The following RAPGEF3 variants were observed in gnomAD, a reference collection of about 807,000 sequenced individuals.
The protein encoded by RAPGEF3 is Rap guanine nucleotide exchange factor 3.
RAPGEF3 carries 103 observed loss-of-function variants against 129.8 expected under a neutral mutation model. The observed-to-expected ratio is 0.79, with a 90% CI of 0.68 to 0.93. The LOEUF is 0.93. Among genes scored for constraint, RAPGEF3 ranks in the 40% least tolerant of loss-of-function variants. The pLI, the probability that RAPGEF3 is intolerant of heterozygous loss-of-function variation, is 0.00. For synonymous variants in RAPGEF3, 436 were observed against 482.6 expected (o/e 0.90, Z 1.26); for missense variants, 1,117 against 1,207.4 (o/e 0.93, Z 1.11).
rs76798972 is a variant in RAPGEF3, at chr12:47,740,453, C to T, written c.2232-58G>A. The T allele has an allele frequency of 3.1e-4, 489 of 1,556,388 alleles. 6 individuals carry two copies. In the African/African-American group the frequency reaches 5.7e-3, roughly 18 times the overall value. ...AAGGGAAGCAGCCACCCCTACAGTGCCCCCAGACAACAGCCAGGCCAGCCT... is the reference window on the plus strand; with the variant it reads ...AAGGGAAGCAGCCACCCCTACAGTGTCCCCAGACAACAGCCAGGCCAGCCT... On this transcript the variant is annotated intron_variant, in intron 21 of 27. Transcript: ENST00000449771.
intron 13 of RAPGEF3, 56 bp downstream of exon 13, chr12:47,748,018 A>T: frequency 6.5e-7 from 1 of 1,544,384 alleles, no homozygotes; most frequent in Non-Finnish European, 8.8e-7. Flanking sequence ...TTTTCTCTCA[A>T]CCCCACGCAC....
chr12:47,748,372 G>T, intron 12 of RAPGEF3, 82 bp downstream of exon 12: 2 of 1,318,910 alleles, frequency 1.5e-6, no homozygotes, highest in Non-Finnish European at 2.2e-6. Context: ...GGTGACGTCA[G>T]ATGCAGGGTA....
intron 27 of RAPGEF3, 28 bp downstream of exon 27, chr12:47,737,994 T>TG: frequency 2.4e-6 from 2 of 819,874 alleles, no homozygotes; most frequent in South Asian, 1.3e-5. Context: ...ACCCCCTCCC[T>TG]GCCCACCCAC....
intron 14 of RAPGEF3, 26 bp from the exon 15 acceptor site, chr12:47,747,652 A>T: frequency 6.2e-7 from 1 of 1,613,284 alleles, no homozygotes; most frequent in Non-Finnish European, 8.5e-7. Context: ...ATTCACTGAG[A>T]TGGCTGTAGC....
intron 2 of RAPGEF3, 91 bp downstream of exon 2, chr12:47,757,775 C>G (rs2136828265): frequency 7.8e-7 from 1 of 1,280,726 alleles, no homozygotes; most frequent in South Asian, 1.4e-5. Flanking sequence ...CCAGAGCAAG[C>G]TGGGCCACCA....
chr12:47,755,202 T>C (rs1483764525), intron 2 of RAPGEF3, among the ~76,000 whole-genome samples: 1 of 152,216 alleles, frequency 6.6e-6, no homozygotes, highest in Admixed American at 6.5e-5. Flanking sequence ...CTTTGCCACT[T>C]AGCAGCTGCG....
At chr12:47,739,659 A>C (rs749134860) in intron 23 of RAPGEF3, 7 of 365,932 alleles carry the variant, frequency 1.9e-5, no homozygotes, top group Admixed American at 4.0e-5. Context: ...AAAACCCTCA[A>C]AATCCTCAAA....
rs1349017600 is a variant in RAPGEF3, at chr12:47,737,579, C to G, written c.2760G>C (p.Glu920Asp). The G allele has an allele frequency of 6.2e-7, 1 of 1,612,428 alleles. No individual in the cohort carries two copies. Among genetic ancestry groups the G allele is most frequent in the Non-Finnish European group, 8.5e-7 (1 of 1,179,562 alleles). ...TCCCAGCCCCTCCTCATGGCTCCAG[C>G]TCTCGGGAGAGGCGGGAGAGTTCCC... Reference protein sequence around the residue: ...NQRELSRLSRELEP With the variant: ...NQRELSRLSRDLEP Residue 920 changes from glutamate to aspartate, a missense_variant, in exon 28 of 28, where the codon GAG (glutamate) becomes GAC (aspartate). Physicochemically the swap from Glu to Asp is conservative, Grantham distance 45. This residue lies in a region of RAPGEF3 where 643 missense variants were observed against 673.4 expected (regional missense o/e 0.95). Coordinates refer to ENST00000449771, the MANE Select transcript of RAPGEF3 (RefSeq NM_001098531.4).
rs755365244 is a variant in RAPGEF3, at chr12:47,740,988, TCCAGCCCCTCAGCAGAGC to T, written c.1958_1975del (p.Gly653_Leu658del). 3.1e-6 allele frequency: 5 copies of T among 1,613,368 alleles called. No individual in the cohort carries two copies. In the South Asian group the frequency reaches 5.5e-5, roughly 18 times the overall value. ...TGCCAGGTCCTTGGCACTCACCAGGTCCAGCCCCTCAGCAGAGCCCACAGTGGGCCCCAGCTGGTCAGG... is the reference window on the plus strand; with the variant it reads ...TGCCAGGTCCTTGGCACTCACCAGGTCCACAGTGGGCCCCAGCTGGTCAGG... On this transcript the variant is annotated inframe_deletion, in exon 20 of 28. Transcript: ENST00000449771.
chr12:47,748,632 C>T, intron 11 of RAPGEF3, 90 bp from the exon 12 acceptor site: 1 of 1,271,824 alleles, frequency 7.9e-7, no homozygotes, highest in South Asian at 1.3e-5. Flanking sequence ...CATCATTTTT[C>T]TCCATTAGCC....
rs911383613 is a variant in RAPGEF3 at position 47,749,271 on chromosome 12, G to T, written c.1041+119C>A. Reference sequence around the variant, plus strand: ...TATGGTCCCACTGCCAGCTGTCATAGCCCAGCATCTCTTACCTGCCCTGCT... The same window carrying T: ...TATGGTCCCACTGCCAGCTGTCATATCCCAGCATCTCTTACCTGCCCTGCT... On this transcript the variant is annotated intron_variant, in intron 10 of 27. Coordinates refer to ENST00000449771, the MANE Select transcript of RAPGEF3 (RefSeq NM_001098531.4). This position sits in a 1 kb window ranked among gnomAD's most constrained non-coding sequence, Gnocchi z 4.5. The T allele has an allele frequency of 3.1e-6, 4 of 1,278,164 alleles. No homozygotes were observed. In the African/African-American group the frequency reaches 5.8e-5, roughly 19 times the overall value. The allele number at this position is 1,278,164 out of a possible 1,614,324, so 79.2% of individuals were successfully genotyped here. A position where few individuals can be genotyped will look rare whatever the true frequency, so the allele number is the denominator to read the frequency against.
chr12:47,743,568 G>A lies in RAPGEF3; in HGVS notation c.1787C>T (p.Thr596Ile). The A allele has an allele frequency of 6.2e-7, 1 of 1,614,136 alleles. No individual in the cohort carries two copies. The highest frequency in any genetic ancestry group is 8.5e-7 in the Non-Finnish European group (1 of 1,179,996). ...MAALAQEDGWTKGQVLVKVNS... is the reference protein window; with the variant it reads ...MAALAQEDGWIKGQVLVKVNS... ...GACCTTCACCAGCACCTGCCCCTTG[G>A]TCCAGCCATCCTCCTGGGCCAACGC... The change falls in exon 18 of 28, where the codon ACC becomes ATC. Residue 596 changes from threonine to isoleucine, a missense_variant. Physicochemically the swap from Thr to Ile is moderately conservative, Grantham distance 89 (BLOSUM62 -1). Transcript: ENST00000449771.
chr12:47,758,233 G>A (rs1022905832), intron 1 of RAPGEF3, 155 bp from the exon 2 acceptor site: 118 of 1,435,206 alleles, frequency 8.2e-5, no homozygotes, highest in Middle Eastern at 5.1e-4. Flanking sequence ...GGAGGAACAG[G>A]AAGACCTTCA....
In RAPGEF3 at chr12:47,747,824, C is replaced by T. The variant is rs772695180; in HGVS notation, c.1361G>A (p.Arg454His). The T allele has an allele frequency of 2.6e-5, 41 of 1,604,960 alleles. No homozygotes were observed. Among genetic ancestry groups the T allele is most frequent in the East Asian group, 8.9e-5 (4 of 44,892 alleles). ...CCTCTTGTTGCAGACGTAGGTGCTG[C>T]GCTCCTGCTCGCTGCCACCCGCAGG... Reference protein sequence around the residue: ...VEPAGGSEQERSTYVCNKRQQ... With the variant: ...VEPAGGSEQEHSTYVCNKRQQ... The change falls in exon 14 of 28, where the codon CGC (arginine) becomes CAC (histidine). Residue 454 changes from arginine (R) to histidine (H), a missense_variant. By Grantham distance (29) the Arg-to-His change is conservative. This residue lies in a region of RAPGEF3 where 643 missense variants were observed against 673.4 expected (regional missense o/e 0.95). Coordinates refer to ENST00000449771, the MANE Select transcript of RAPGEF3 (RefSeq NM_001098531.4).
intron 1 of RAPGEF3, 142 bp from the exon 2 acceptor site, chr12:47,758,220 G>T (rs1000532101): frequency 7.0e-7 from 1 of 1,437,640 alleles, no homozygotes; most frequent in Non-Finnish European, 9.1e-7. Flanking sequence ...CCAGGAGCTG[G>T]GGGGAGGAAC....
chr12:47,743,750 G>T, intron 17 of RAPGEF3, 74 bp from the exon 18 acceptor site: 1 of 1,552,422 alleles, frequency 6.4e-7, no homozygotes, highest in Non-Finnish European at 8.8e-7. Flanking sequence ...GGCGGCTATT[G>T]CAGTAATGGT....
At position 47,749,910 on chromosome 12, in the gene RAPGEF3, T is replaced by G; in HGVS notation, c.817+20A>C. The G allele has an allele frequency of 6.2e-7, 1 of 1,614,252 alleles. No homozygotes were observed. Among genetic ancestry groups the G allele is most frequent in the Non-Finnish European group, 8.5e-7 (1 of 1,180,038 alleles). ...ATGTCCAGGCCCTGTGCCTGGCTTC[T>G]TATGCCCTGCTGGACTTACACACGG... On this transcript the variant is annotated intron_variant, in intron 8 of 27. Transcript: ENST00000449771. This position sits in a 1 kb window ranked among gnomAD's most constrained non-coding sequence, Gnocchi z 4.5.
At position 47,751,183 on chromosome 12, in the gene RAPGEF3, G is replaced by C; in HGVS notation, c.536C>G (p.Ala179Gly). ...KHDWAFQDRDAQFYRFPGPEP... is the reference protein window; with the variant it reads ...KHDWAFQDRDGQFYRFPGPEP... ...GGGCCCGGGGAACCGGTAGAATTGG[G>C]CATCTCGGTCCTGGAAGGCCCAGTC... is the stretch of plus-strand genomic sequence containing the variant. The change falls in exon 6 of 28, where the codon GCC becomes GGC. Residue 179 changes from alanine (A) to glycine (G), a missense_variant. Physicochemically the swap from Ala to Gly is moderately conservative, Grantham distance 60 (BLOSUM62 0). Coordinates refer to ENST00000449771, the MANE Select transcript of RAPGEF3 (RefSeq NM_001098531.4). The C allele has an allele frequency of 1.3e-6, 2 of 1,553,404 alleles. No homozygotes were observed. Among genetic ancestry groups the C allele is most frequent in the South Asian group, 2.4e-5 (2 of 84,256 alleles).
intron 2 of RAPGEF3, among the ~76,000 whole-genome samples, chr12:47,757,114 C>G (rs1195936554): frequency 6.6e-6 from 1 of 152,148 alleles, no homozygotes; most frequent in Non-Finnish European, 1.5e-5. Context: ...GGCAACATAG[C>G]GAAACCTGGG....
Sources: allele counts gnomAD v4.1 joint callset (sites outside exome capture counted in the v4.1 genomes callset), GRCh38; gene constraint gnomAD v4.1.1; regional missense constraint gnomAD v4.1.1; non-coding constraint Gnocchi (gnomAD v3.1); transcripts MANE v1.5; gene names NCBI Gene and HGNC (gene_info 2026-07-23, HGNC 2026-07-21).